Variants in MAP7D2 observed in about 807,000 individuals in gnomAD.
The protein encoded by MAP7D2 is MAP7 domain-containing protein 2.
A neutral mutation model predicts 63.5 loss-of-function variants in MAP7D2; 33 were observed. The observed-to-expected ratio is 0.52, with a 90% CI of 0.39 to 0.70. The LOEUF (loss-of-function observed/expected upper bound fraction) is 0.70. Among genes scored for constraint, MAP7D2 ranks in the 30% least tolerant of loss-of-function variants. The pLI is 0.00. For synonymous variants in MAP7D2, 224 were observed against 223.7 expected, an observed-to-expected ratio of 1.00 and a Z score of -0.01; for missense variants, 626 against 604.0, an observed-to-expected ratio of 1.04 and a Z score of -0.38.
At chrX:20,018,632 G>A (rs1290751256) in intron 10 of MAP7D2, among the ~76,000 whole-genome samples, 2 of 108,749 alleles carry the variant, frequency 1.8e-5, no homozygotes, top group African/African-American at 6.7e-5. Flanking sequence ...TAGTAGAGAT[G>A]GGGTTTCACC....
intron 8 of MAP7D2, among the ~76,000 whole-genome samples, chrX:20,028,162 T>C (rs1458472914): frequency 8.9e-6 from 1 of 111,736 alleles, no homozygotes; most frequent in African/African-American, 3.3e-5. Context: ...GGTACTATTA[T>C]CATGGCCTCT....
chrX:20,116,880 C>G lies in MAP7D2; in HGVS notation c.-1G>C. 4.5e-6 allele frequency: 5 copies of G among 1,113,392 alleles called. No individual in the cohort carries two copies. Among genetic ancestry groups the G allele is most frequent in the Admixed American group, 3.1e-5 (1 of 31,846 alleles). The allele number at this position is 1,113,392 out of a possible 1,213,427, so 91.8% of individuals were successfully genotyped here. On this transcript the variant is annotated 5_prime_UTR_variant, in exon 1 of 17. Transcript: ENST00000379643. ...CGGAGCCGCCGCCGCCGCGCTCCAT[C>G]GGGATGCGCCGGCCGCACAGGCGCA...
intron 1 of MAP7D2, among the ~76,000 whole-genome samples, chrX:20,082,887 C>G (rs950209668): frequency 8.9e-6 from 1 of 112,031 alleles, no homozygotes; most frequent in African/African-American, 3.2e-5. Context: ...CTTGGCCTCC[C>G]AAAGTGCTGG....
intron 3 of MAP7D2, among the ~76,000 whole-genome samples, chrX:20,060,428 G>GAA (rs1424524935): frequency 8.7e-5 from 7 of 80,674 alleles, no homozygotes; most frequent in African/African-American, 3.2e-4. Flanking sequence ...GAGAGAGAGA[G>GAA]AGAGAGAAAG....
chrX:20,076,593 TG>T, intron 1 of MAP7D2, among the ~76,000 whole-genome samples: 1 of 108,927 alleles, frequency 9.2e-6, no homozygotes, highest in Middle Eastern at 4.7e-3. Context: ...CCCAGCTACT[TG>T]GGAGGCTGAG....
intron 6 of MAP7D2, among the ~76,000 whole-genome samples, chrX:20,050,590 G>C (rs1255664222): frequency 9.0e-6 from 1 of 111,490 alleles, no homozygotes; most frequent in African/African-American, 3.3e-5. Context: ...CATCAAGTGG[G>C]GTTTTCTTCC....
intron 1 of MAP7D2, among the ~76,000 whole-genome samples, chrX:20,073,686 C>T (rs766701056): frequency 7.5e-5 from 8 of 107,147 alleles, no homozygotes; most frequent in East Asian, 3.0e-4. Flanking sequence ...CCCGCCACCA[C>T]GCCTGGCTAA....
chrX:20,096,538 T>C (rs942365833), intron 1 of MAP7D2, among the ~76,000 whole-genome samples: 4 of 109,918 alleles, frequency 3.6e-5, no homozygotes, highest in African/African-American at 1.3e-4. Context: ...AGTCAGTACA[T>C]TGGATAAATT....
intron 1 of MAP7D2, among the ~76,000 whole-genome samples, chrX:20,089,087 G>A (rs2065998404): frequency 8.9e-6 from 1 of 111,792 alleles, no homozygotes; most frequent in Non-Finnish European, 1.9e-5. Flanking sequence ...GGCCTCTCCT[G>A]TATTTTCTTC....
intron 16 of MAP7D2, among the ~76,000 whole-genome samples, chrX:20,010,264 C>T (rs1180249450): frequency 4.5e-5 from 5 of 111,813 alleles, no homozygotes; most frequent in East Asian, 2.8e-4. Context: ...CTTCAAGACA[C>T]AAAAACTGCA....
At chrX:20,109,775 G>A (rs2066684894) in intron 1 of MAP7D2, among the ~76,000 whole-genome samples, 1 of 111,765 alleles carries the variant, frequency 8.9e-6, no homozygotes. Flanking sequence ...GCTGGGCGTG[G>A]TGGCTCATGC....
chrX:20,021,130 G>A (rs746720929), intron 10 of MAP7D2, among the ~76,000 whole-genome samples: 1 of 112,186 alleles, frequency 8.9e-6, no homozygotes, highest in African/African-American at 3.2e-5. Context: ...GGCGTCTAAG[G>A]TTTCCTGCCC....
At chrX:20,065,817 A>G (rs767912222) in intron 1 of MAP7D2, among the ~76,000 whole-genome samples, 1 of 112,513 alleles carries the variant, frequency 8.9e-6, no homozygotes, top group East Asian at 2.8e-4. Flanking sequence ...ACAAAAGATT[A>G]AATGGATCTT....
intron 15 of MAP7D2, 121 bp downstream of exon 15, chrX:20,012,228 T>C: frequency 1.9e-6 from 1 of 519,508 alleles, no homozygotes; most frequent in Non-Finnish European, 3.1e-6. Flanking sequence ...AGAGCTTTCC[T>C]GTAATGTCAA....
At chrX:20,094,196 G>A (rs1405368612) in intron 1 of MAP7D2, among the ~76,000 whole-genome samples, 2 of 108,765 alleles carry the variant, frequency 1.8e-5, no homozygotes, top group Non-Finnish European at 3.8e-5. Context: ...ACCAGAGAAG[G>A]AACAGAAGTA....
intron 1 of MAP7D2, among the ~76,000 whole-genome samples, chrX:20,098,531 C>G (rs996599552): frequency 9.1e-6 from 1 of 109,649 alleles, no homozygotes; most frequent in South Asian, 3.9e-4. Flanking sequence ...AAAAGGATGC[C>G]AAGGGGTTGT....
At chrX:20,020,449 C>G (rs767426589) in intron 10 of MAP7D2, among the ~76,000 whole-genome samples, 4 of 111,364 alleles carry the variant, frequency 3.6e-5, no homozygotes, top group African/African-American at 6.5e-5. Flanking sequence ...TACTTCTCAA[C>G]AATTTCCCTC....
chrX:20,027,752 C>CGG (rs1304025121), intron 8 of MAP7D2, among the ~76,000 whole-genome samples: 7 of 48,015 alleles, frequency 1.5e-4, no homozygotes, highest in Admixed American at 2.5e-4. Flanking sequence ...AGAGAGAAGG[C>CGG]GGGGGGAGAG....
chrX:20,077,535 T>TC (rs1473315229), intron 1 of MAP7D2, among the ~76,000 whole-genome samples: 1 of 112,423 alleles, frequency 8.9e-6, no homozygotes, highest in East Asian at 2.8e-4. Context: ...AAAATGGAGA[T>TC]AAGAGTAGAA....
Sources: gnomAD v4.1 joint callset for allele counts (sites outside exome capture counted in the v4.1 genomes callset) on GRCh38, gnomAD v4.1.1 for gene constraint, MANE v1.5 for transcripts, NCBI Gene and HGNC (gene_info 2026-07-23, HGNC 2026-07-21) for gene names.